Variants in BCL2 observed in about 807,000 individuals in gnomAD.
The protein encoded by BCL2 is apoptosis regulator Bcl-2.
In BCL2, 1 loss-of-function variant was observed where a neutral mutation model predicts 14.2. The ratio of observed to expected loss-of-function variants is 0.07; its 90% CI spans 0.02 to 0.33. The LOEUF is 0.33. BCL2 is among the 10% of genes least tolerant of loss of function. The probability of loss-of-function intolerance (pLI) is 0.99; values close to 1 mark genes in which losing one functional copy is unlikely to be tolerated. For synonymous variants in BCL2, 151 were observed against 137.2 expected, an observed-to-expected ratio of 1.10 and a Z score of -0.70; for missense variants, 247 against 305.9, an observed-to-expected ratio of 0.81 and a Z score of 1.44.
chr18:63,156,693 C>T (rs564944619), intron 2 of BCL2, among the ~76,000 whole-genome samples: 1 of 152,310 alleles, frequency 6.6e-6, no homozygotes, highest in South Asian at 2.1e-4. Context: ...GAATCTCCTC[C>T]CAAGTCCAGA....
In BCL2 at chr18:63,318,635, T is replaced by C. The variant is rs769588208; in HGVS notation, c.32A>G (p.Asn11Ser). The change falls in exon 2 of 3, where the codon AAC (asparagine) becomes AGC (serine). Residue 11 changes from asparagine (N) to serine (S), a missense_variant. By Grantham distance (46) the Asn-to-Ser change is conservative. Coordinates refer to ENST00000333681, the MANE Select transcript of BCL2 (RefSeq NM_000633.3). The surrounding 1 kb of genome is among the most constrained non-coding windows in gnomAD (Gnocchi z 7.4). ...GATGTACTTCATCACTATCTCCCGG[T>C]TATCGTACCCTGTTCTCCCAGCGTG... MAHAGRTGYD[N>S]REIVMKYIHY... 1.2e-6 allele frequency: 2 copies of C among 1,613,388 alleles called. No homozygotes were observed. The highest frequency in any genetic ancestry group is 1.7e-6 in the Non-Finnish European group (2 of 1,179,704).
chr18:63,271,472 GA>G (rs892106270), intron 2 of BCL2, among the ~76,000 whole-genome samples: 7 of 152,184 alleles, frequency 4.6e-5, no homozygotes, highest in African/African-American at 1.7e-4. Context: ...ATCTGATGCT[GA>G]AAACTTCAAG....
chr18:63,169,326 TCCTTTC>T (rs1915146453), intron 2 of BCL2, among the ~76,000 whole-genome samples: 1 of 85,444 alleles, frequency 1.2e-5, no homozygotes, highest in South Asian at 5.0e-4. Context: ...CTTCCTTCTT[TCCTTTC>T]CTTCCTTTCT....
intron 2 of BCL2, chr18:63,316,259 T>C (rs1913493330): frequency 2.0e-5 from 3 of 152,244 alleles, no homozygotes; most frequent in Admixed American, 2.0e-4. Flanking sequence ...GTTTCCCACA[T>C]TTTTATTAAC....
At chr18:63,248,450 G>C (rs1911212212) in intron 2 of BCL2, among the ~76,000 whole-genome samples, 1 of 152,216 alleles carries the variant, frequency 6.6e-6, no homozygotes. Context: ...GCCAAGTGTA[G>C]AAATGGTGGT....
chr18:63,165,808 G>A, intron 2 of BCL2, among the ~76,000 whole-genome samples: 1 of 152,176 alleles, frequency 6.6e-6, no homozygotes, highest in East Asian at 1.9e-4. Flanking sequence ...GAGGGGGGTG[G>A]AATCTAAGCC....
intron 2 of BCL2, among the ~76,000 whole-genome samples, chr18:63,209,923 AAAGTAAAATGTTATGGC>A: frequency 1.3e-5 from 2 of 152,180 alleles, no homozygotes; most frequent in African/African-American, 4.8e-5. Flanking sequence ...CTGCTACAGG[AAAGTAAAATGTTATGGC>A]TCCAGACACC....
intron 2 of BCL2, among the ~76,000 whole-genome samples, chr18:63,175,979 G>A (rs1915339794): frequency 6.6e-6 from 1 of 152,202 alleles, no homozygotes; most frequent in Non-Finnish European, 1.5e-5. Flanking sequence ...GACTTGGGAT[G>A]ATGGGAAGGT....
At chr18:63,197,803 G>A (rs976159410) in intron 2 of BCL2, among the ~76,000 whole-genome samples, 2 of 152,184 alleles carry the variant, frequency 1.3e-5, no homozygotes, top group African/African-American at 4.8e-5. Context: ...AAGCATGTTA[G>A]TCAGACATTG....
chr18:63,268,016 C>T (rs1240174134), intron 2 of BCL2, among the ~76,000 whole-genome samples: 1 of 152,216 alleles, frequency 6.6e-6, no homozygotes, highest in African/African-American at 2.4e-5. Context: ...AGCGGCGATG[C>T]CTTTATTTTC....
At chr18:63,165,140 T>C (rs1451052691) in intron 2 of BCL2, among the ~76,000 whole-genome samples, 1 of 152,230 alleles carries the variant, frequency 6.6e-6, no homozygotes. Context: ...AAAATTATTA[T>C]TGGGCGCCTA....
At chr18:63,162,886 T>A (rs1031616872) in intron 2 of BCL2, among the ~76,000 whole-genome samples, 3 of 152,140 alleles carry the variant, frequency 2.0e-5, no homozygotes, top group Admixed American at 6.6e-5. Flanking sequence ...TGAGAAACTT[T>A]TGCTCTGTCA....
At chr18:63,273,283 G>A (rs913168379) in intron 2 of BCL2, among the ~76,000 whole-genome samples, 3 of 152,182 alleles carry the variant, frequency 2.0e-5, no homozygotes, top group Non-Finnish European at 4.4e-5. Context: ...TCAGATCAGA[G>A]CTGGGGCTTT....
intron 2 of BCL2, chr18:63,317,873 T>TA: frequency 7.1e-7 from 1 of 1,415,436 alleles, no homozygotes. Context: ...GCAAGCAAGT[T>TA]AAAGACTTTT....
chr18:63,319,778 G>C (rs1913640194), upstream of BCL2: 1 of 202,028 alleles, frequency 4.9e-6, no homozygotes, highest in Non-Finnish European at 1.0e-5. Flanking sequence ...GTGGGGAGAA[G>C]GAGGTGGTGG....
intron 2 of BCL2, among the ~76,000 whole-genome samples, chr18:63,247,408 G>A (rs1911182678): frequency 6.7e-6 from 1 of 149,546 alleles, no homozygotes; most frequent in Non-Finnish European, 1.5e-5. Context: ...ATGTTGACCA[G>A]GCTGGTCTTG....
At chr18:63,296,623 T>C (rs1912803080) in intron 2 of BCL2, among the ~76,000 whole-genome samples, 1 of 152,176 alleles carries the variant, frequency 6.6e-6, no homozygotes, top group Non-Finnish European at 1.5e-5. Flanking sequence ...TGAAGTTTTA[T>C]TCTTGGCTTA....
rs1483825580 is a variant in BCL2, at chr18:63,126,464, CA to C, written c.*2160del. 1 of 227,756 alleles carries C rather than the reference CA, an allele frequency of 4.4e-6. No homozygotes were observed. The highest frequency in any genetic ancestry group is 8.7e-6 in the Non-Finnish European group (1 of 114,618). The allele number at this position is 227,756 out of a possible 1,614,324, so 14.1% of individuals were successfully genotyped here. A position where few individuals can be genotyped will look rare whatever the true frequency, so the allele number is the denominator to read the frequency against. On this transcript the variant is annotated 3_prime_UTR_variant, in exon 3 of 3. Coordinates refer to ENST00000333681, the MANE Select transcript of BCL2 (RefSeq NM_000633.3). Reference sequence around the variant, plus strand: ...ACTGAATGAATCTCATGGGTTTAACCAAACATGCATGTAATCCTGAATACCA... The same window carrying C: ...ACTGAATGAATCTCATGGGTTTAACCAACATGCATGTAATCCTGAATACCA...
chr18:63,316,446 T>C (rs1477934440), intron 2 of BCL2: 1 of 152,156 alleles, frequency 6.6e-6, no homozygotes, highest in Non-Finnish European at 1.5e-5. Context: ...TTATAGTGAT[T>C]AAAAATCAAA....
Sources: allele counts gnomAD v4.1 joint callset (sites outside exome capture counted in the v4.1 genomes callset), GRCh38; gene constraint gnomAD v4.1.1; non-coding constraint Gnocchi (gnomAD v3.1); transcripts MANE v1.5; gene names NCBI Gene and HGNC (gene_info 2026-07-23, HGNC 2026-07-21).